LAMA4: variants seen among roughly 807,000 people sequenced by gnomAD.
LAMA4 encodes the protein laminin subunit alpha-4.
LAMA4 carries 127 observed loss-of-function variants against 207.1 expected under a neutral mutation model. The observed-to-expected ratio is 0.61, with a 90% CI of 0.53 to 0.71. LAMA4 has a LOEUF of 0.71. LAMA4 is among the 30% of genes least tolerant of loss of function. The probability of loss-of-function intolerance (pLI) is 0.00; values close to 1 mark genes in which losing one functional copy is unlikely to be tolerated. For synonymous variants in LAMA4, 761 were observed against 816.0 expected, an observed-to-expected ratio of 0.93 and a Z score of 1.15; for missense variants, 2,093 against 2,246.5, an observed-to-expected ratio of 0.93 and a Z score of 1.38.
chr6:112,252,025 A>G (rs1787496831), intron 2 of LAMA4, among the ~76,000 whole-genome samples: 6 of 152,196 alleles, frequency 3.9e-5, no homozygotes, highest in Admixed American at 3.9e-4. Flanking sequence ...AATATTCTCA[A>G]ATAAGGGTTT....
chr6:112,219,681 CATAA>C (rs1315820495), intron 2 of LAMA4: 4 of 152,180 alleles, frequency 2.6e-5, no homozygotes, highest in Non-Finnish European at 4.4e-5. Context: ...TGCTGCCCCT[CATAA>C]ATAAATACAT....
chr6:112,109,524 G>C lies in LAMA4; in HGVS notation c.5385C>G (p.His1795Gln). 6.2e-7 allele frequency: 1 copy of C among 1,614,168 alleles called. No individual in the cohort carries two copies. Among genetic ancestry groups the C allele is most frequent in the South Asian group, 1.1e-5 (1 of 91,090 alleles). Reference protein sequence around the residue: ...PSKPFTGCIRHFVIDGHPVSF... With the variant: ...PSKPFTGCIRQFVIDGHPVSF... ...TCACTGGGTGTCCATCAATCACAAA[G>C]TGGCGTATGCAGCCTGTGAAGGGTT... is the stretch of plus-strand genomic sequence containing the variant. Residue 1795 changes from histidine (H) to glutamine (Q), a missense_variant, in exon 39 of 39, where the codon CAC becomes CAG. Around this residue, in one of 3 missense-constraint regions of LAMA4, gnomAD observed 383 missense variants for 437.8 expected, o/e 0.87. Transcript: ENST00000230538.
At chr6:112,234,260 G>A (rs990735257) in intron 2 of LAMA4, 1 of 152,016 alleles carries the variant, frequency 6.6e-6, no homozygotes, top group South Asian at 2.1e-4. Context: ...CTGAGTAACT[G>A]CGAGACTGGT....
At chr6:112,167,840 TCA>T (rs71021873) in intron 12 of LAMA4, among the ~76,000 whole-genome samples, 10,060 of 125,398 alleles carry the variant, frequency 0.08, 391 homozygotes, top group African/African-American at 0.11. Flanking sequence ...ATGCATACCA[TCA>T]CACACACACA....
At chr6:112,183,378 T>A (rs1227547091) in intron 9 of LAMA4, among the ~76,000 whole-genome samples, 3 of 152,148 alleles carry the variant, frequency 2.0e-5, no homozygotes, top group African/African-American at 7.2e-5. Context: ...AACATTATAT[T>A]CAATAAAAAT....
Position 112,158,768 on chromosome 6 carries a change from G to A in LAMA4, c.1781C>T (p.Ala594Val). Residue 594 changes from alanine to valine, a missense_variant, in exon 14 of 39, where the codon GCA becomes GTA. By Grantham distance (64) the Ala-to-Val change is moderately conservative. This residue lies in a region of LAMA4 where 1,704 missense variants were observed against 1,788.4 expected (regional missense o/e 0.95). Coordinates refer to ENST00000230538, the MANE Select transcript of LAMA4 (RefSeq NM_001105206.3). ...HDLVQEAIDHAQDLQQEANEL... is the reference protein window; with the variant it reads ...HDLVQEAIDHVQDLQQEANEL... ...ATTAGCTTCTTGTTGAAGGTCCTGT[G>A]CATGGTCAATAGCTTCTTGGACTAA... The A allele has an allele frequency of 6.2e-7, 1 of 1,613,726 alleles. No individual in the cohort carries two copies. The highest frequency in any genetic ancestry group is 1.7e-5 in the Admixed American group (1 of 60,016).
chr6:112,172,104 T>C (rs1478325722), intron 12 of LAMA4: 1 of 175,720 alleles, frequency 5.7e-6, no homozygotes, highest in East Asian at 1.6e-4. Context: ...TCTGGCCCCA[T>C]GAGATGACCA....
At chr6:112,212,788 G>T (rs1309412285) in intron 3 of LAMA4, among the ~76,000 whole-genome samples, 3 of 152,160 alleles carry the variant, frequency 2.0e-5, no homozygotes, top group African/African-American at 7.2e-5. Context: ...GGAACAAGAA[G>T]TCTCTATAAT....
chr6:112,121,688 A>G, intron 32 of LAMA4: 1 of 339,094 alleles, frequency 2.9e-6, no homozygotes, highest in South Asian at 2.6e-5. Flanking sequence ...AGCAATTTGT[A>G]TGGGAGAGGG....
chr6:112,115,593 C>T (rs1341989832), intron 36 of LAMA4, among the ~76,000 whole-genome samples: 6 of 151,918 alleles, frequency 3.9e-5, no homozygotes, highest in Non-Finnish European at 8.8e-5. Flanking sequence ...AAAAAAAGTT[C>T]TTCTCATTCT....
intron 4 of LAMA4, among the ~76,000 whole-genome samples, chr6:112,204,604 A>G (rs1426906851): frequency 1.3e-5 from 2 of 152,208 alleles, no homozygotes. Flanking sequence ...ATATTTAACA[A>G]TATATACCAT....
intron 2 of LAMA4, among the ~76,000 whole-genome samples, chr6:112,244,179 C>T (rs868940628): frequency 1.3e-5 from 2 of 152,178 alleles, no homozygotes; most frequent in African/African-American, 4.8e-5. Context: ...ACAAAGACCC[C>T]GCAGTAAAGA....
chr6:112,154,133 G>A (rs1470376423), intron 16 of LAMA4, among the ~76,000 whole-genome samples: 1 of 152,098 alleles, frequency 6.6e-6, no homozygotes, highest in Non-Finnish European at 1.5e-5. Flanking sequence ...TTATCTCAGA[G>A]ATGAATAATG....
At position 112,207,073 on chromosome 6, in the gene LAMA4, C is replaced by G. The variant is rs782530521; in HGVS notation, c.370G>C (p.Gly124Arg). The G allele has an allele frequency of 9.3e-6, 15 of 1,613,876 alleles. No individual in the cohort carries two copies. In the Admixed American group the frequency reaches 1.7e-4, roughly 18 times the overall value. ...LDGYIGDSIR[G>R]APQFCQPCPC... Reference sequence around the variant, plus strand: ...CACGGCTGGCAGAATTGGGGTGCTCCCCTGATGGAATCTCCGATATAACCA... The same window carrying G: ...CACGGCTGGCAGAATTGGGGTGCTCGCCTGATGGAATCTCCGATATAACCA... Residue 124 changes from glycine to arginine, a missense_variant, in exon 4 of 39, where the codon GGA becomes CGA. By Grantham distance (125) the Gly-to-Arg change is moderately radical. Transcript: ENST00000230538.
At chr6:112,202,696 A>C (rs1328195259) in intron 4 of LAMA4, among the ~76,000 whole-genome samples, 7 of 152,240 alleles carry the variant, frequency 4.6e-5, no homozygotes, top group Non-Finnish European at 8.8e-5. Context: ...TTTCGCAAAC[A>C]GTTGGGTAAA....
intron 31 of LAMA4, among the ~76,000 whole-genome samples, chr6:112,122,783 G>A (rs1554326515): frequency 6.6e-6 from 1 of 152,158 alleles, no homozygotes; most frequent in African/African-American, 2.4e-5. Context: ...TTAGAGTTGT[G>A]CAAGTATAGG....
intron 12 of LAMA4, among the ~76,000 whole-genome samples, chr6:112,167,701 T>C (rs1278297377): frequency 6.6e-6 from 1 of 152,134 alleles, no homozygotes; most frequent in Non-Finnish European, 1.5e-5. Context: ...CTCCAAGCAT[T>C]TGTCCATCCA....
At chr6:112,206,480 G>A (rs1481827735) in intron 4 of LAMA4, among the ~76,000 whole-genome samples, 3 of 148,574 alleles carry the variant, frequency 2.0e-5, no homozygotes. Flanking sequence ...CCATTAAAAT[G>A]TATGTCTCTT....
intron 5 of LAMA4, among the ~76,000 whole-genome samples, chr6:112,200,407 A>C (rs1554351981): frequency 6.6e-6 from 1 of 152,228 alleles, no homozygotes; most frequent in Non-Finnish European, 1.5e-5. Context: ...GATGTGGAGA[A>C]ATAGGAATGC....
Sources: gnomAD v4.1 joint callset for allele counts (sites outside exome capture counted in the v4.1 genomes callset) on GRCh38, gnomAD v4.1.1 for gene constraint, gnomAD v4.1.1 regional missense constraint, MANE v1.5 for transcripts, NCBI Gene and HGNC (gene_info 2026-07-23, HGNC 2026-07-21) for gene names.